EFHD2: variants seen among roughly 807,000 people sequenced by gnomAD.
EFHD2 encodes EF-hand domain family member D2.
EFHD2 carries 12 observed loss-of-function variants against 20.3 expected under a neutral mutation model. The observed-to-expected ratio is 0.59, with a 90% CI of 0.38 to 0.96. The LOEUF is 0.96. Among genes scored for constraint, EFHD2 ranks in the 40% least tolerant of loss-of-function variants. The pLI, the probability that EFHD2 is intolerant of heterozygous loss-of-function variation, is 0.00. For missense variants in EFHD2, 250 were observed against 334.3 expected (o/e 0.75, Z 1.97); for synonymous variants, 131 against 143.9 (o/e 0.91, Z 0.64).
intron 1 of EFHD2, among the ~76,000 whole-genome samples, chr1:15,422,996 G>A (rs1309508707): frequency 6.6e-6 from 1 of 152,234 alleles, no homozygotes; most frequent in South Asian, 2.1e-4. Flanking sequence ...TTCCTGGGGG[G>A]CACTGAGGAG....
intron 1 of EFHD2, among the ~76,000 whole-genome samples, chr1:15,412,336 G>A (rs1557495914): frequency 6.6e-6 from 1 of 152,088 alleles, no homozygotes; most frequent in African/African-American, 2.4e-5. Context: ...GTGCTGAGGC[G>A]CTCACCAGGT....
At chr1:15,421,241 C>A (rs569087196) in intron 1 of EFHD2, among the ~76,000 whole-genome samples, 46 of 152,262 alleles carry the variant, frequency 3.0e-4, no homozygotes, top group African/African-American at 1.1e-3. Context: ...TAACCACAAA[C>A]CCTCAAGGCC....
At chr1:15,412,100 C>T (rs938030695) in intron 1 of EFHD2, among the ~76,000 whole-genome samples, 3 of 151,968 alleles carry the variant, frequency 2.0e-5, no homozygotes, top group Non-Finnish European at 4.4e-5. Context: ...AGTCCCAGGG[C>T]GCCCACGTCC....
At chr1:15,425,273 C>T (rs1040837459) in intron 1 of EFHD2, among the ~76,000 whole-genome samples, 3 of 152,034 alleles carry the variant, frequency 2.0e-5, no homozygotes, top group African/African-American at 7.2e-5. Flanking sequence ...GCCTGTAATC[C>T]CCATACTTTG....
rs927285468 is a variant in EFHD2 at position 15,426,143 on chromosome 1, G to A, written c.456+125G>A. The A allele has an allele frequency of 2.5e-4, 256 of 1,044,298 alleles. 1 individual carries two copies. The highest frequency in any genetic ancestry group is 3.0e-4 in the Non-Finnish European group (226 of 762,640). The allele number at this position is 1,044,298 out of a possible 1,614,324, so 64.7% of individuals were successfully genotyped here. On this transcript the variant is annotated intron_variant, in intron 2 of 3. Coordinates refer to ENST00000375980, the MANE Select transcript of EFHD2 (RefSeq NM_024329.6). The surrounding 1 kb of genome is among the most constrained non-coding windows in gnomAD (Gnocchi z 4.6). Reference sequence around the variant, plus strand: ...GACATTGCCATTGAACAGCAGCTGTGAGCAGCTGCTGCTTGGCTGAGTGAG... The same window carrying A: ...GACATTGCCATTGAACAGCAGCTGTAAGCAGCTGCTGCTTGGCTGAGTGAG...
intron 1 of EFHD2, among the ~76,000 whole-genome samples, chr1:15,418,533 C>A (rs1426503906): frequency 6.6e-6 from 1 of 150,570 alleles, no homozygotes; most frequent in Non-Finnish European, 1.5e-5. Context: ...TCTCAATCTC[C>A]TGACCTTGTG....
chr1:15,411,223 AC>A (rs1165884897), intron 1 of EFHD2, among the ~76,000 whole-genome samples: 1 of 133,936 alleles, frequency 7.5e-6, no homozygotes, highest in Admixed American at 7.6e-5. Context: ...CCCCACAGGG[AC>A]CCCCCATGTC....
chr1:15,411,892 C>G (rs1320982687), intron 1 of EFHD2, among the ~76,000 whole-genome samples: 11 of 152,182 alleles, frequency 7.2e-5, no homozygotes, highest in Non-Finnish European at 1.6e-4. Flanking sequence ...GAGAAAGGCT[C>G]TGACCCTACT....
At position 15,410,086 on chromosome 1, in the gene EFHD2, G is replaced by T; in HGVS notation, c.115G>T (p.Gly39Trp). The change falls in exon 1 of 4, where the codon GGG (glycine) becomes TGG (tryptophan). Residue 39 changes from glycine to tryptophan, a missense_variant. Gly to Trp is a radical substitution (Grantham distance 184). Transcript: ENST00000375980. The stretch of plus-strand genomic sequence containing the variant: ...GAACGGGGCAGCGGCGGCGGCGGCG[G>T]GGGCACCCGACGAGGCGGCCGAGGC... ...GLNGAAAAAA[G>W]APDEAAEALG... 1 of 1,417,528 alleles carries T rather than the reference G, an allele frequency of 7.1e-7. No homozygotes were observed. The highest frequency in any genetic ancestry group is 9.2e-7 in the Non-Finnish European group (1 of 1,091,166). The allele number at this position is 1,417,528 out of a possible 1,614,324, so 87.8% of individuals were successfully genotyped here.
Position 15,426,988 on chromosome 1 carries a change from G to A in EFHD2, c.457-162G>A, listed in dbSNP as rs1397849818. Among the ~76,000 whole-genome samples, 2 of 152,210 alleles carry A rather than the reference G, an allele frequency of 1.3e-5. No individual in the cohort carries two copies. Among genetic ancestry groups the A allele is most frequent in the East Asian group, 3.8e-4 (2 of 5,196 alleles). ...CATTGTACAGTTGGGCAGAGGCCCAGTGAAGGGGCTCACGGGAGCAGCAAG... is the reference window on the plus strand; with the variant it reads ...CATTGTACAGTTGGGCAGAGGCCCAATGAAGGGGCTCACGGGAGCAGCAAG... On this transcript the variant is annotated intron_variant, in intron 2 of 3. Transcript: ENST00000375980. This position sits in a 1 kb window ranked among gnomAD's most constrained non-coding sequence, Gnocchi z 4.6.
Position 15,428,863 on chromosome 1 carries a change from T to G in EFHD2, c.*139T>G. The G allele has an allele frequency of 4.5e-6, 6 of 1,326,454 alleles. No homozygotes were observed. Among genetic ancestry groups the G allele is most frequent in the Non-Finnish European group, 6.2e-6 (6 of 968,922 alleles). The allele number at this position is 1,326,454 out of a possible 1,614,324, so 82.2% of individuals were successfully genotyped here. A position where few individuals can be genotyped will look rare whatever the true frequency, so the allele number is the denominator to read the frequency against. ...TAAAAATATCTGTGAATGGAGCAAGTTCAGGGGTCTTATGGAGGTGGCCCG... is the reference window on the plus strand; with the variant it reads ...TAAAAATATCTGTGAATGGAGCAAGGTCAGGGGTCTTATGGAGGTGGCCCG... On this transcript the variant is annotated 3_prime_UTR_variant, in exon 4 of 4. Coordinates refer to ENST00000375980, the MANE Select transcript of EFHD2 (RefSeq NM_024329.6).
Position 15,428,986 on chromosome 1 carries a change from C to A in EFHD2, c.*262C>A. ...CCCTGGCAATCCCTGGGCTCTCTTG[C>A]ACCCCTAACTGCCCCCTGCCTGCTC... On this transcript the variant is annotated 3_prime_UTR_variant, in exon 4 of 4. Coordinates refer to ENST00000375980, the MANE Select transcript of EFHD2 (RefSeq NM_024329.6). 1 of 472,154 alleles carries A rather than the reference C, an allele frequency of 2.1e-6. No individual in the cohort carries two copies. Among genetic ancestry groups the A allele is most frequent in the East Asian group, 4.3e-5 (1 of 23,218 alleles). 29.2% of individuals were successfully genotyped at this position (472,154 alleles called of 1,614,324 possible).
At chr1:15,420,725 G>GGTCA (rs1308330709) in intron 1 of EFHD2, among the ~76,000 whole-genome samples, 1 of 152,040 alleles carries the variant, frequency 6.6e-6, no homozygotes, top group Non-Finnish European at 1.5e-5. Flanking sequence ...TTACCATGTT[G>GGTCA]GTCAGGCTGG....
rs1169242808 is a variant in EFHD2, at chr1:15,410,242, A to G, written c.271A>G (p.Arg91Gly). 2 of 1,605,830 alleles carry G rather than the reference A, an allele frequency of 1.2e-6. No homozygotes were observed. The highest frequency in any genetic ancestry group is 1.7e-5 in the Admixed American group (1 of 59,512). Residue 91 changes from arginine to glycine, a missense_variant, in exon 1 of 4, where the codon AGG becomes GGG. Arg to Gly is a moderately radical substitution (Grantham distance 125, BLOSUM62 -2). Coordinates refer to ENST00000375980, the MANE Select transcript of EFHD2 (RefSeq NM_024329.6). ...NPYTEFKEFS[R>G]KQIKDMEKMF... ...CTACACCGAGTTCAAGGAGTTCTCC[A>G]GGAAGCAGATCAAGGACATGGAGAA...
In EFHD2 at chr1:15,428,862, G is replaced by T; in HGVS notation, c.*138G>T. 1 of 1,336,004 alleles carries T rather than the reference G, an allele frequency of 7.5e-7. No homozygotes were observed. The allele number at this position is 1,336,004 out of a possible 1,614,324, so 82.8% of individuals were successfully genotyped here. On this transcript the variant is annotated 3_prime_UTR_variant, in exon 4 of 4. Transcript: ENST00000375980. ...CTAAAAATATCTGTGAATGGAGCAAGTTCAGGGGTCTTATGGAGGTGGCCC... is the reference window on the plus strand; with the variant it reads ...CTAAAAATATCTGTGAATGGAGCAATTTCAGGGGTCTTATGGAGGTGGCCC...
chr1:15,414,794 G>C (rs1707627254), intron 1 of EFHD2, among the ~76,000 whole-genome samples: 1 of 152,196 alleles, frequency 6.6e-6, no homozygotes, highest in African/African-American at 2.4e-5. Context: ...ATATGGCTTT[G>C]ATAAATAACA....
chr1:15,424,060 C>T lies in EFHD2; in HGVS notation c.309-1811C>T, dbSNP rs115119869. 6.8e-3 allele frequency among the ~76,000 whole-genome samples: 1,035 copies of T among 151,756 alleles called. 14 individuals are homozygous for T. Among genetic ancestry groups the T allele is most frequent in the African/African-American group, 0.024 (976 of 41,346 alleles). On this transcript the variant is annotated intron_variant, in intron 1 of 3. Transcript: ENST00000375980. The stretch of plus-strand genomic sequence containing the variant: ...TACAAAACTTGGCCAGTCATGGTGG[C>T]ATGCACCTGCAGTCCCAGCTACTTG...
chr1:15,424,918 C>T (rs914422626), intron 1 of EFHD2, among the ~76,000 whole-genome samples: 21 of 152,158 alleles, frequency 1.4e-4, no homozygotes, highest in African/African-American at 4.6e-4. Flanking sequence ...TGCTTCTCAG[C>T]GGAGAATGCT....
Position 15,425,891 on chromosome 1 carries a change from G to A in EFHD2, c.329G>A (p.Gly110Asp). The stretch of plus-strand genomic sequence containing the variant: ...TGCAGGTATGATGCCGGGCGGGACG[G>A]CTTCATCGACCTGATGGAGCTAAAA... ...MFKQYDAGRD[G>D]FIDLMELKLM... Residue 110 changes from glycine (G) to aspartate (D), a missense_variant, in exon 2 of 4, where the codon GGC becomes GAC. Around this residue, in one of 3 missense-constraint regions of EFHD2, gnomAD observed 143 missense variants for 190.6 expected, o/e 0.75. Coordinates refer to ENST00000375980, the MANE Select transcript of EFHD2 (RefSeq NM_024329.6). The A allele has an allele frequency of 1.9e-6, 3 of 1,606,934 alleles. No homozygotes were observed. The highest frequency in any genetic ancestry group is 2.5e-6 in the Non-Finnish European group (3 of 1,177,048).
Sources: gnomAD v4.1 joint callset for allele counts (sites outside exome capture counted in the v4.1 genomes callset) on GRCh38, gnomAD v4.1.1 for gene constraint, gnomAD v4.1.1 regional missense constraint, Gnocchi (gnomAD v3.1) non-coding constraint, MANE v1.5 for transcripts, NCBI Gene and HGNC (gene_info 2026-07-23, HGNC 2026-07-21) for gene names.